Variants in TLL1 observed in about 807,000 individuals in gnomAD.
The protein encoded by TLL1 is tolloid-like protein 1.
TLL1 carries 49 observed loss-of-function variants against 128.2 expected under a neutral mutation model. The ratio of observed to expected loss-of-function variants is 0.38; its 90% CI spans 0.30 to 0.48. The LOEUF (loss-of-function observed/expected upper bound fraction) is 0.48, where lower values mean the gene tolerates loss of function less well. TLL1 is among the 20% of genes least tolerant of loss of function. The pLI is 0.96. For synonymous variants in TLL1, 454 were observed against 418.8 expected (o/e 1.08, Z -1.03); for missense variants, 1,123 against 1,242.0 (o/e 0.90, Z 1.44).
chr4:165,962,600 AC>A (rs1228337714), intron 1 of TLL1, among the ~76,000 whole-genome samples: 2 of 152,136 alleles, frequency 1.3e-5, no homozygotes, highest in African/African-American at 4.8e-5. Flanking sequence ...AAATTGATCT[AC>A]CAGATATAAG....
intron 8 of TLL1, among the ~76,000 whole-genome samples, chr4:166,017,338 G>A (rs1444169042): frequency 2.0e-5 from 3 of 152,020 alleles, no homozygotes; most frequent in Admixed American, 6.6e-5. Context: ...CAATCCACCA[G>A]TGATGGACAT....
chr4:165,917,211 T>C (rs542338758), intron 1 of TLL1, among the ~76,000 whole-genome samples: 2 of 152,132 alleles, frequency 1.3e-5, no homozygotes, highest in East Asian at 1.9e-4. Context: ...TTTTCTGAAA[T>C]TGAAAAAAAA....
intron 19 of TLL1, among the ~76,000 whole-genome samples, chr4:166,091,787 A>G (rs1001309353): frequency 6.6e-6 from 1 of 152,048 alleles, no homozygotes; most frequent in East Asian, 1.9e-4. Context: ...TTTAAGACTG[A>G]TCTATTTGAC....
In TLL1 at chr4:165,993,766, G is replaced by T. The variant is rs1269458809; in HGVS notation, c.362-615G>T. On this transcript the variant is annotated intron_variant, in intron 3 of 20. Transcript: ENST00000061240. ...CTTGAAAGCTGCTCCAGAATAGAAT[G>T]CATTTTGTTCGTGTTGTGTACTGAC... Among the ~76,000 whole-genome samples, 6 of 152,092 alleles carry T rather than the reference G, an allele frequency of 3.9e-5. No individual in the cohort carries two copies. The East Asian group carries it at 1.2e-3, about 29-fold the overall frequency.
At chr4:165,903,897 C>T (rs1732126987) in intron 1 of TLL1, among the ~76,000 whole-genome samples, 1 of 151,938 alleles carries the variant, frequency 6.6e-6, no homozygotes, top group Non-Finnish European at 1.5e-5. Flanking sequence ...AAGGGGTATA[C>T]ATAAAATATA....
At chr4:165,932,602 CT>C (rs765833347) in intron 1 of TLL1, among the ~76,000 whole-genome samples, 3 of 151,774 alleles carry the variant, frequency 2.0e-5, no homozygotes, top group Non-Finnish European at 4.4e-5. Context: ...GTTAGTACTG[CT>C]TTTAACTGGA....
At chr4:165,983,751 T>C (rs1378155079) in intron 1 of TLL1, among the ~76,000 whole-genome samples, 2 of 151,868 alleles carry the variant, frequency 1.3e-5, no homozygotes, top group African/African-American at 4.8e-5. Context: ...TTTATTTTTT[T>C]CTTCCTAGAG....
At chr4:166,030,724 T>G in intron 9 of TLL1, 1 of 1,179,442 alleles carries the variant, frequency 8.5e-7, no homozygotes, top group Non-Finnish European at 1.0e-6. Flanking sequence ...CAACACCATT[T>G]GTTAAAGATT....
intron 17 of TLL1, among the ~76,000 whole-genome samples, chr4:166,077,539 G>A (rs956095358): frequency 2.6e-5 from 4 of 152,142 alleles, no homozygotes; most frequent in Non-Finnish European, 5.9e-5. Context: ...GTCCAATGAT[G>A]TTTGTTTGTG....
At chr4:165,934,903 C>A (rs1733696747) in intron 1 of TLL1, among the ~76,000 whole-genome samples, 1 of 152,124 alleles carries the variant, frequency 6.6e-6, no homozygotes, top group African/African-American at 2.4e-5. Flanking sequence ...GATTAATTAA[C>A]CTGAACCAAA....
chr4:166,047,352 G>T (rs1739503755), intron 12 of TLL1, among the ~76,000 whole-genome samples: 1 of 151,458 alleles, frequency 6.6e-6, no homozygotes, highest in South Asian at 2.1e-4. Context: ...TTTTAGTAGA[G>T]ACAGGGTTTC....
At chr4:166,037,893 A>C (rs576831411) in intron 9 of TLL1, among the ~76,000 whole-genome samples, 1 of 152,002 alleles carries the variant, frequency 6.6e-6, no homozygotes, top group African/African-American at 2.4e-5. Context: ...TCCTTGGCAG[A>C]TTTCTTTCTT....
Position 165,992,874 on chromosome 4 carries a change from A to G in TLL1, c.351A>G (p.Arg117=). ...ALYQLIDRIR[R]IGFGLEQNNT... is the part of the protein sequence containing the mutation. ...ACCAACTTATAGACAGGATAAGAAGAATTGGCTTTGGTATATCAATGTTTA... is the reference window on the plus strand; with the variant it reads ...ACCAACTTATAGACAGGATAAGAAGGATTGGCTTTGGTATATCAATGTTTA... Residue 117 remains arginine (R), a synonymous_variant, in exon 3 of 21, where the codon AGA becomes AGG. Coordinates refer to ENST00000061240, the MANE Select transcript of TLL1 (RefSeq NM_012464.5). 16 of 1,613,224 alleles carry G rather than the reference A, an allele frequency of 9.9e-6. No individual in the cohort carries two copies. Among genetic ancestry groups the G allele is most frequent in the Non-Finnish European group, 1.4e-5 (16 of 1,179,346 alleles).
intron 7 of TLL1, among the ~76,000 whole-genome samples, chr4:166,012,584 T>G (rs775812034): frequency 2.6e-5 from 4 of 151,596 alleles, no homozygotes; most frequent in Non-Finnish European, 5.9e-5. Context: ...CTACAGAAAT[T>G]TAATACTCCA....
intron 16 of TLL1, among the ~76,000 whole-genome samples, chr4:166,073,503 C>T (rs908755980): frequency 6.6e-6 from 1 of 151,892 alleles, no homozygotes; most frequent in African/African-American, 2.4e-5. Context: ...TTTTGTTTTG[C>T]TTTTTGCTTA....
chr4:165,985,113 C>T (rs1022837597), intron 1 of TLL1, among the ~76,000 whole-genome samples: 1 of 151,996 alleles, frequency 6.6e-6, no homozygotes, highest in Non-Finnish European at 1.5e-5. Flanking sequence ...GTGAGCAATA[C>T]ATACTTCCTG....
rs1173225249 is a variant in TLL1, at chr4:166,077,971, C to A, written c.2383C>A (p.Pro795Thr). ...CAGTCCCAACTGGCCAGACAAGTACCCAAGCAGGAAAGAATGCACTTGGGA... is the reference window on the plus strand; with the variant it reads ...CAGTCCCAACTGGCCAGACAAGTACACAAGCAGGAAAGAATGCACTTGGGA... ...ITSPNWPDKY[P>T]SRKECTWEIS... The change falls in exon 18 of 21, where the codon CCA becomes ACA. Residue 795 changes from proline (P) to threonine (T), a missense_variant. Physicochemically the swap from Pro to Thr is conservative, Grantham distance 38 (BLOSUM62 -1). Coordinates refer to ENST00000061240, the MANE Select transcript of TLL1 (RefSeq NM_012464.5). 3 of 1,613,656 alleles carry A rather than the reference C, an allele frequency of 1.9e-6. No homozygotes were observed. Among genetic ancestry groups the A allele is most frequent in the Non-Finnish European group, 2.5e-6 (3 of 1,179,768 alleles).
chr4:166,051,507 A>G (rs185318950), intron 12 of TLL1, among the ~76,000 whole-genome samples: 332 of 152,244 alleles, frequency 2.2e-3, no homozygotes, highest in African/African-American at 7.5e-3. Context: ...TAATTGATGA[A>G]GTAATTTGAT....
chr4:166,007,735 A>G (rs1737504112), intron 6 of TLL1, among the ~76,000 whole-genome samples: 1 of 151,652 alleles, frequency 6.6e-6, no homozygotes, highest in African/African-American at 2.4e-5. Flanking sequence ...TCAGAAATTA[A>G]CACTTTGTTC....
Sources: allele counts gnomAD v4.1 joint callset (sites outside exome capture counted in the v4.1 genomes callset), GRCh38; gene constraint gnomAD v4.1.1; transcripts MANE v1.5; gene names NCBI Gene and HGNC (gene_info 2026-07-23, HGNC 2026-07-21).